Variants in NUBPL observed in about 807,000 individuals in gnomAD.
NUBPL encodes NUBP iron-sulfur cluster assembly factor, mitochondrial, also known as iron-sulfur cluster transfer protein NUBPL.
Under a neutral mutation model 45.7 loss-of-function variants are expected in NUBPL, and 31 were observed. That is an observed-to-expected ratio of 0.68 (90% CI 0.51 to 0.92). The LOEUF is 0.92. Among genes scored for constraint, NUBPL ranks in the 40% least tolerant of loss-of-function variants. The pLI, the probability that NUBPL is intolerant of heterozygous loss-of-function variation, is 0.00. For synonymous variants in NUBPL, 144 were observed against 140.9 expected (o/e 1.02, Z -0.15); for missense variants, 401 against 398.7 (o/e 1.01, Z -0.05).
At chr14:31,840,286 G>A (rs1240033355) in intron 8 of NUBPL, among the ~76,000 whole-genome samples, 1 of 152,016 alleles carries the variant, frequency 6.6e-6, no homozygotes, top group Admixed American at 6.6e-5. Flanking sequence ...TAAAAAGAGA[G>A]AAATTGGCCA....
chr14:31,736,799 A>G (rs1292566073), intron 6 of NUBPL, among the ~76,000 whole-genome samples: 2 of 152,160 alleles, frequency 1.3e-5, no homozygotes, highest in East Asian at 3.8e-4. Flanking sequence ...AGGTAATTGT[A>G]CCGATTTAAT....
At chr14:31,756,606 A>G (rs1225592550) in intron 6 of NUBPL, among the ~76,000 whole-genome samples, 1 of 149,220 alleles carries the variant, frequency 6.7e-6, no homozygotes, top group Non-Finnish European at 1.5e-5. Flanking sequence ...TTGGGCTGAG[A>G]CAATGGGGTT....
intron 6 of NUBPL, among the ~76,000 whole-genome samples, chr14:31,720,392 T>G (rs1285377463): frequency 6.6e-6 from 1 of 152,196 alleles, no homozygotes; most frequent in Non-Finnish European, 1.5e-5. Flanking sequence ...GGTTTTAAAG[T>G]CTTTGATATT....
intron 6 of NUBPL, among the ~76,000 whole-genome samples, chr14:31,715,254 C>T (rs1474139127): frequency 6.6e-6 from 1 of 152,108 alleles, no homozygotes; most frequent in African/African-American, 2.4e-5. Flanking sequence ...TTATAGTTTC[C>T]CTTTTCTCTG....
At chr14:31,587,246 G>A (rs2034019087) in intron 3 of NUBPL, among the ~76,000 whole-genome samples, 1 of 152,114 alleles carries the variant, frequency 6.6e-6, no homozygotes, top group Non-Finnish European at 1.5e-5. Context: ...TATGGGCTAT[G>A]GATTCTGGCA....
chr14:31,599,926 T>A (rs1235061696), intron 4 of NUBPL, among the ~76,000 whole-genome samples: 2 of 146,888 alleles, frequency 1.4e-5, no homozygotes, highest in Non-Finnish European at 3.0e-5. Context: ...TTTTTTTTCT[T>A]TTTTTTTTTT....
At position 31,640,669 on chromosome 14, in the gene NUBPL, T is replaced by G. The variant is rs186603493; in HGVS notation, c.383-32686T>G. 1.7e-4 allele frequency among the ~76,000 whole-genome samples: 25 copies of G among 151,246 alleles called. No individual in the cohort carries two copies. The East Asian group carries it at 2.1e-3, about 13-fold the overall frequency. ...TAGATTAATCATCAAATTCCCTTAA[T>G]CTTTTCAAAAATTTATTTTAAAATT... is the stretch of plus-strand genomic sequence containing the variant. On this transcript the variant is annotated intron_variant, in intron 4 of 10. Coordinates refer to ENST00000281081, the MANE Select transcript of NUBPL (RefSeq NM_025152.3).
intron 4 of NUBPL, among the ~76,000 whole-genome samples, chr14:31,658,907 G>T (rs527675721): frequency 6.6e-6 from 1 of 152,112 alleles, no homozygotes; most frequent in African/African-American, 2.4e-5. Flanking sequence ...TAATCAAGGG[G>T]AATATAGTAT....
chr14:31,837,219 G>T (rs1224047165), intron 8 of NUBPL, among the ~76,000 whole-genome samples: 2 of 152,076 alleles, frequency 1.3e-5, no homozygotes, highest in Non-Finnish European at 2.9e-5. Flanking sequence ...TACTTAGGAG[G>T]CTGAGGCAAG....
intron 4 of NUBPL, among the ~76,000 whole-genome samples, chr14:31,609,733 A>C (rs989057060): frequency 6.6e-6 from 1 of 152,210 alleles, no homozygotes; most frequent in Non-Finnish European, 1.5e-5. Flanking sequence ...TTCTCTGACC[A>C]CAATGGAATA....
intron 8 of NUBPL, chr14:31,845,131 T>A (rs1005839652): frequency 6.6e-5 from 10 of 152,108 alleles, no homozygotes; most frequent in Non-Finnish European, 1.3e-4. Flanking sequence ...AATACTATAT[T>A]TTTTATCTGT....
intron 6 of NUBPL, among the ~76,000 whole-genome samples, chr14:31,719,621 A>G (rs2037765126): frequency 6.6e-6 from 1 of 152,114 alleles, no homozygotes; most frequent in African/African-American, 2.4e-5. Context: ...TAGATTCACC[A>G]TAGGCCCCAG....
chr14:31,721,699 T>G (rs2037812456), intron 6 of NUBPL, among the ~76,000 whole-genome samples: 1 of 151,984 alleles, frequency 6.6e-6, no homozygotes, highest in Non-Finnish European at 1.5e-5. Flanking sequence ...GGGGGTTTGT[T>G]GTACAGATTA....
chr14:31,567,637 A>G (rs2033471747), intron 3 of NUBPL, among the ~76,000 whole-genome samples: 1 of 151,722 alleles, frequency 6.6e-6, no homozygotes, highest in Admixed American at 6.6e-5. Context: ...CTTATTTTCC[A>G]CTTGCTGTTC....
chr14:31,620,523 C>T (rs143940375), intron 4 of NUBPL, among the ~76,000 whole-genome samples: 1 of 152,324 alleles, frequency 6.6e-6, no homozygotes, highest in East Asian at 1.9e-4. Context: ...ACTTTATCTT[C>T]TAACAGTCAG....
At chr14:31,681,195 T>C (rs2036825416) in intron 6 of NUBPL, among the ~76,000 whole-genome samples, 1 of 152,092 alleles carries the variant, frequency 6.6e-6, no homozygotes, top group African/African-American at 2.4e-5. Context: ...CTTGGCGTGC[T>C]TTGTTTTGTT....
intron 4 of NUBPL, among the ~76,000 whole-genome samples, chr14:31,634,046 A>T (rs1396945245): frequency 6.6e-6 from 1 of 152,090 alleles, no homozygotes; most frequent in Non-Finnish European, 1.5e-5. Flanking sequence ...GCAATACAGT[A>T]AAAGAAGAAA....
At chr14:31,758,816 C>G (rs2038732607) in intron 6 of NUBPL, among the ~76,000 whole-genome samples, 1 of 152,076 alleles carries the variant, frequency 6.6e-6, no homozygotes, top group Admixed American at 6.5e-5. Context: ...ATAAAATGAT[C>G]TGTTTTACTA....
At chr14:31,642,164 G>A (rs1206131435) in intron 4 of NUBPL, among the ~76,000 whole-genome samples, 1 of 152,026 alleles carries the variant, frequency 6.6e-6, no homozygotes, top group Non-Finnish European at 1.5e-5. Context: ...TTCCTTAGCT[G>A]TGCAGAAGCT....
Sources: allele counts gnomAD v4.1 joint callset (sites outside exome capture counted in the v4.1 genomes callset), GRCh38; gene constraint gnomAD v4.1.1; transcripts MANE v1.5; gene names NCBI Gene and HGNC (gene_info 2026-07-23, HGNC 2026-07-21).